Variants in CCSER1 observed in about 807,000 individuals in gnomAD.
CCSER1 encodes serine-rich coiled-coil domain-containing protein 1.
Under a neutral mutation model 82.0 loss-of-function variants are expected in CCSER1, and 41 were observed. The ratio of observed to expected loss-of-function variants is 0.50; its 90% CI spans 0.39 to 0.65. CCSER1 has a LOEUF of 0.65. Among genes scored for constraint, CCSER1 ranks in the 30% least tolerant of loss-of-function variants. The pLI is 0.00. For synonymous variants in CCSER1, 414 were observed against 383.9 expected (o/e 1.08, Z -0.92); for missense variants, 1,119 against 1,064.2 (o/e 1.05, Z -0.72).
intron 5 of CCSER1, among the ~76,000 whole-genome samples, chr4:90,524,805 T>A (rs1773550368): frequency 6.6e-6 from 1 of 152,106 alleles, no homozygotes; most frequent in Admixed American, 6.6e-5. Context: ...CAAATGAAAT[T>A]CCTCATTTGT....
At chr4:91,120,786 G>A (rs911985049) in intron 10 of CCSER1, among the ~76,000 whole-genome samples, 5 of 151,880 alleles carry the variant, frequency 3.3e-5, no homozygotes, top group African/African-American at 9.7e-5. Context: ...TTATAAGTCC[G>A]AGGTGATCAA....
At chr4:90,192,124 G>A (rs779528522) in intron 1 of CCSER1, among the ~76,000 whole-genome samples, 1 of 152,008 alleles carries the variant, frequency 6.6e-6, no homozygotes, top group African/African-American at 2.4e-5. Flanking sequence ...ATGGTTCCAC[G>A]TGGCTGGGGA....
At chr4:90,385,560 T>A (rs1749903378) in intron 3 of CCSER1, among the ~76,000 whole-genome samples, 1 of 150,576 alleles carries the variant, frequency 6.6e-6, no homozygotes, top group Non-Finnish European at 1.5e-5. Context: ...CACGGGTTCA[T>A]GCCATTCTCC....
intron 10 of CCSER1, among the ~76,000 whole-genome samples, chr4:91,151,213 G>C (rs190170681): frequency 0.012 from 1,758 of 152,020 alleles, 20 homozygotes; most frequent in Non-Finnish European, 0.02. Flanking sequence ...TGCATTTGTC[G>C]AGGAATTTAT....
At chr4:90,651,598 C>T (rs1019735923) in intron 6 of CCSER1, among the ~76,000 whole-genome samples, 1 of 151,654 alleles carries the variant, frequency 6.6e-6, no homozygotes, top group African/African-American at 2.4e-5. Context: ...GGTGACAGGT[C>T]GATGGGTGCA....
chr4:90,267,553 T>C (rs2153451850), intron 1 of CCSER1, among the ~76,000 whole-genome samples: 1 of 152,284 alleles, frequency 6.6e-6, no homozygotes, highest in South Asian at 2.1e-4. Context: ...TATTCTGGCT[T>C]CGGGTCTGAC....
rs569445628 is a variant in CCSER1, at chr4:91,358,153, C to T, written c.2218-240419C>T. Among the ~76,000 whole-genome samples, 25 of 151,946 alleles carry T rather than the reference C, an allele frequency of 1.6e-4. No individual in the cohort carries two copies. The South Asian group carries it at 5.2e-3, about 32-fold the overall frequency. Reference sequence around the variant, plus strand: ...CTGCTGGTCTTTCCTTTTCTCTCTGCTGCCTCTGCCAGCTGCTTATACTGC... The same window carrying T: ...CTGCTGGTCTTTCCTTTTCTCTCTGTTGCCTCTGCCAGCTGCTTATACTGC... On this transcript the variant is annotated intron_variant, in intron 10 of 10. Coordinates refer to ENST00000509176, the MANE Select transcript of CCSER1 (RefSeq NM_001145065.2).
chr4:91,594,536 C>T (rs940822494), intron 10 of CCSER1, among the ~76,000 whole-genome samples: 3 of 150,810 alleles, frequency 2.0e-5, no homozygotes, highest in African/African-American at 7.3e-5. Context: ...GATTCCCATC[C>T]TTCCGATCCA....
chr4:90,738,323 C>T (rs1259610006), intron 7 of CCSER1, among the ~76,000 whole-genome samples: 1 of 152,112 alleles, frequency 6.6e-6, no homozygotes, highest in Non-Finnish European at 1.5e-5. Flanking sequence ...GCCATATCTG[C>T]ATTAGAGGAC....
intron 8 of CCSER1, among the ~76,000 whole-genome samples, chr4:90,886,902 A>G (rs897098525): frequency 6.6e-5 from 10 of 152,208 alleles, no homozygotes; most frequent in Non-Finnish European, 1.2e-4. Flanking sequence ...TTCTCCAGCC[A>G]AATTATTTCT....
chr4:90,526,277 C>A (rs1773745947), intron 5 of CCSER1, among the ~76,000 whole-genome samples: 1 of 152,026 alleles, frequency 6.6e-6, no homozygotes, highest in Non-Finnish European at 1.5e-5. Flanking sequence ...CGCTGTATTT[C>A]AATAAAACAA....
At chr4:90,322,108 G>T (rs755173934) in intron 3 of CCSER1, among the ~76,000 whole-genome samples, 4 of 152,044 alleles carry the variant, frequency 2.6e-5, no homozygotes, top group Non-Finnish European at 5.9e-5. Flanking sequence ...TAGTTCCATA[G>T]TTTGAGGTCT....
At chr4:90,183,576 T>A (rs2153387720) in intron 1 of CCSER1, among the ~76,000 whole-genome samples, 1 of 152,268 alleles carries the variant, frequency 6.6e-6, no homozygotes, top group South Asian at 2.1e-4. Context: ...CGTGCAAGAA[T>A]GCATGTGATA....
chr4:91,170,251 A>T (rs555086020), intron 10 of CCSER1, among the ~76,000 whole-genome samples: 43 of 152,350 alleles, frequency 2.8e-4, no homozygotes, highest in African/African-American at 1.0e-3. Context: ...ATTTTGTTAC[A>T]TCAAGACAAA....
chr4:90,279,831 A>C (rs1300037058), intron 1 of CCSER1, among the ~76,000 whole-genome samples: 2 of 152,012 alleles, frequency 1.3e-5, no homozygotes, highest in African/African-American at 2.4e-5. Flanking sequence ...GGCCTGTATT[A>C]ATGTATGGTA....
At chr4:91,181,786 G>A (rs371806636) in intron 10 of CCSER1, among the ~76,000 whole-genome samples, 8 of 152,280 alleles carry the variant, frequency 5.3e-5, no homozygotes, top group African/African-American at 1.9e-4. Context: ...GTCCAAGCCT[G>A]TTTACAAATA....
At chr4:91,078,777 G>A (rs1722329951) in intron 9 of CCSER1, among the ~76,000 whole-genome samples, 2 of 152,188 alleles carry the variant, frequency 1.3e-5, no homozygotes, top group South Asian at 4.1e-4. Context: ...AGAACTACGT[G>A]ATGAATGCAC....
At chr4:91,337,964 T>C (rs1263663906) in intron 10 of CCSER1, among the ~76,000 whole-genome samples, 1 of 152,142 alleles carries the variant, frequency 6.6e-6, no homozygotes, top group Non-Finnish European at 1.5e-5. Context: ...ATTTTCAGTG[T>C]TTTGGCCCCA....
At chr4:90,703,765 A>C (rs1355331471) in intron 6 of CCSER1, among the ~76,000 whole-genome samples, 1 of 151,972 alleles carries the variant, frequency 6.6e-6, no homozygotes, top group South Asian at 2.1e-4. Context: ...GTTGGTTTAA[A>C]GTCTGTTTTA....
Sources: allele counts gnomAD v4.1 joint callset (sites outside exome capture counted in the v4.1 genomes callset), GRCh38; gene constraint gnomAD v4.1.1; transcripts MANE v1.5; gene names NCBI Gene and HGNC (gene_info 2026-07-23, HGNC 2026-07-21).